TTC3: variants seen among roughly 807,000 people sequenced by gnomAD.
The protein encoded by TTC3 is E3 ubiquitin-protein ligase TTC3.
In TTC3, 180 loss-of-function variants were observed where a neutral mutation model predicts 249.6. The ratio of observed to expected loss-of-function variants is 0.72; its 90% CI spans 0.64 to 0.82. The LOEUF (loss-of-function observed/expected upper bound fraction) is 0.82. Among genes scored for constraint, TTC3 ranks in the 40% least tolerant of loss-of-function variants. The pLI is 0.00. For synonymous variants in TTC3, 717 were observed against 805.0 expected (o/e 0.89, Z 1.85); for missense variants, 2,061 against 2,398.4 (o/e 0.86, Z 2.94).
rs140791598 is a variant in TTC3 at position 37,174,984 on chromosome 21, G to C, written c.4617+2240G>C. On this transcript the variant is annotated intron_variant, in intron 35 of 45. Coordinates refer to ENST00000355666, the Ensembl canonical transcript of TTC3. ...GAATACTTAGCATATGGCCAGGCGC[G>C]GTGGCTCACACCTGTAATCCCAGCA... Among the ~76,000 whole-genome samples, 355 of 152,070 alleles carry C rather than the reference G, an allele frequency of 2.3e-3. 14 individuals carry two copies. The East Asian group carries it at 0.067, about 29-fold the overall frequency.
At chr21:37,139,712 T>C (rs1447332482) in intron 19 of TTC3, among the ~76,000 whole-genome samples, 1 of 152,102 alleles carries the variant, frequency 6.6e-6, no homozygotes, top group Non-Finnish European at 1.5e-5. Context: ...ATTTTATTCC[T>C]GACAGAATAA....
chr21:37,154,376 C>T (rs1482779593), intron 27 of TTC3, among the ~76,000 whole-genome samples: 1 of 152,178 alleles, frequency 6.6e-6, no homozygotes, highest in African/African-American at 2.4e-5. Flanking sequence ...TGTAAGATGG[C>T]AGCAAGCCTG....
In TTC3 at chr21:37,095,526, C is replaced by T. The variant is rs560440363; in HGVS notation, c.782+82C>T. ...GTAGTCAGAAGAAATAAAAACAAGA[C>T]GGAGAATTGGAGAGTATCTTCCAAC... On this transcript the variant is annotated intron_variant, in intron 9 of 45. Transcript: ENST00000355666. 145 of 949,992 alleles carry T rather than the reference C, an allele frequency of 1.5e-4. 1 individual carries two copies. In the South Asian group the frequency reaches 2.2e-3, roughly 14 times the overall value. 58.8% of individuals were successfully genotyped at this position (949,992 alleles called of 1,614,324 possible).
chr21:37,161,407 C>G (rs571298832), intron 30 of TTC3, among the ~76,000 whole-genome samples: 1 of 152,310 alleles, frequency 6.6e-6, no homozygotes, highest in African/African-American at 2.4e-5. Flanking sequence ...TCCCGAGTAG[C>G]CGGAATGACA....
intron 1 of TTC3, chr21:37,084,208 G>C (rs980231623): frequency 6.6e-6 from 1 of 152,254 alleles, no homozygotes. Flanking sequence ...GCGGGGAATG[G>C]AGAAGAAGAA....
At chr21:37,131,225 G>A (rs562049785) in intron 16 of TTC3, among the ~76,000 whole-genome samples, 2 of 152,162 alleles carry the variant, frequency 1.3e-5, no homozygotes, top group South Asian at 2.1e-4. Flanking sequence ...AGGAGGTCTC[G>A]TCACTGGAAA....
chr21:37,150,240 A>G, intron 24 of TTC3, 70 bp downstream of exon 24: 4 of 1,081,936 alleles, frequency 3.7e-6, no homozygotes, highest in Non-Finnish European at 5.6e-6. Flanking sequence ...ACATGATTTG[A>G]ATTTGTAGAT....
chr21:37,124,658 T>C, exon 14 of TTC3: 17 of 1,613,362 alleles, frequency 1.1e-5, no homozygotes, highest in East Asian at 2.2e-5. Context: ...CTATATTTAC[T>C]ACTTCACTTA....
chr21:37,140,975 A>G (rs1416611382), intron 20 of TTC3, among the ~76,000 whole-genome samples: 4 of 152,214 alleles, frequency 2.6e-5, no homozygotes, highest in African/African-American at 9.7e-5. Context: ...ATTGATATAA[A>G]CTAATGTTTT....
At chr21:37,088,694 AGAG>A in intron 4 of TTC3, 102 bp from the exon 5 acceptor site, 1 of 1,059,064 alleles carries the variant, frequency 9.4e-7, no homozygotes, top group East Asian at 2.6e-5. Flanking sequence ...GTGAAGAAAA[AGAG>A]AACTTATTTT....
At chr21:37,145,418 A>G (rs1369344006) in intron 21 of TTC3, among the ~76,000 whole-genome samples, 1 of 152,254 alleles carries the variant, frequency 6.6e-6, no homozygotes, top group Admixed American at 6.5e-5. Flanking sequence ...TCAGAGAAAC[A>G]CAAATCAAAA....
chr21:37,184,065 AAC>A (rs201996513), intron 36 of TTC3, among the ~76,000 whole-genome samples: 1,539 of 152,296 alleles, frequency 0.01, 11 homozygotes, highest in East Asian at 0.029. Context: ...GGAAAAGTAA[AAC>A]ACTGCCTCAG....
At chr21:37,101,523 A>G (rs760097125) in intron 10 of TTC3, among the ~76,000 whole-genome samples, 7 of 150,608 alleles carry the variant, frequency 4.6e-5, no homozygotes, top group Non-Finnish European at 2.9e-5. Flanking sequence ...TTAAAAAAAC[A>G]GTAACAAATG....
rs1240584948 is a variant in TTC3 at position 37,197,833 on chromosome 21, T to C, written c.5707-49T>C. On this transcript the variant is annotated intron_variant, in intron 43 of 45. Transcript: ENST00000355666. ...GAAGATGGTCAAGTTGTTGGATAAC[T>C]GGTTGCTTCCCTCTTGTCCCCTCCC... 3 of 1,582,134 alleles carry C rather than the reference T, an allele frequency of 1.9e-6. No homozygotes were observed. In the East Asian group the frequency reaches 6.7e-5, roughly 35 times the overall value.
intron 42 of TTC3, 69 bp downstream of exon 42, chr21:37,196,105 A>G (rs1602190262): frequency 1.3e-6 from 2 of 1,564,788 alleles, no homozygotes; most frequent in East Asian, 4.5e-5. Flanking sequence ...ATTAGATAAA[A>G]TCATGGCTAG....
intron 11 of TTC3, among the ~76,000 whole-genome samples, chr21:37,115,971 C>T (rs575831497): frequency 6.6e-6 from 1 of 152,322 alleles, no homozygotes; most frequent in East Asian, 1.9e-4. Flanking sequence ...CCTTGCTTTA[C>T]TTTTTTCTTC....
chr21:37,097,912 CAG>C, intron 10 of TTC3: 2 of 710,022 alleles, frequency 2.8e-6, no homozygotes, highest in South Asian at 3.0e-5. Context: ...TTATTGTAAA[CAG>C]AACACATTCT....
chr21:37,084,958 A>T (rs372895972), intron 1 of TTC3, among the ~76,000 whole-genome samples: 2 of 152,228 alleles, frequency 1.3e-5, no homozygotes, highest in East Asian at 1.9e-4. Flanking sequence ...GTGCCAGTGC[A>T]CTCCAGCCTG....
At chr21:37,151,519 G>T (rs2079467885) in intron 25 of TTC3, among the ~76,000 whole-genome samples, 1 of 151,948 alleles carries the variant, frequency 6.6e-6, no homozygotes, top group Admixed American at 6.6e-5. Flanking sequence ...TAGTGTTGTG[G>T]GTTATTATTG....
Sources: gnomAD v4.1 joint callset for allele counts (sites outside exome capture counted in the v4.1 genomes callset) on GRCh38, gnomAD v4.1.1 for gene constraint, MANE v1.5 for transcripts, NCBI Gene and HGNC (gene_info 2026-07-23, HGNC 2026-07-21) for gene names.